PSME4: variants seen among roughly 807,000 people sequenced by gnomAD.
The protein encoded by PSME4 is proteasome activator complex subunit 4.
PSME4 carries 89 observed loss-of-function variants against 253.9 expected under a neutral mutation model. The observed-to-expected ratio is 0.35, with a 90% CI of 0.30 to 0.42. The LOEUF (loss-of-function observed/expected upper bound fraction) is 0.42, where lower values mean the gene tolerates loss of function less well. Ranked by LOEUF, PSME4 falls within the 10% of genes least tolerant of loss-of-function variation. PSME4 has a pLI of 1.00. For synonymous variants in PSME4, 851 were observed against 759.2 expected (o/e 1.12, Z -1.99); for missense variants, 2,014 against 2,195.2 (o/e 0.92, Z 1.65).
At chr2:53,933,005 C>A in intron 8 of PSME4, 1 of 431,284 alleles carries the variant, frequency 2.3e-6, no homozygotes, top group East Asian at 3.6e-5. Flanking sequence ...TAAAAAAATA[C>A]CTGTCAACTT....
chr2:53,900,879 AGTT>A (rs1680366584), intron 28 of PSME4, among the ~76,000 whole-genome samples: 1 of 152,146 alleles, frequency 6.6e-6, no homozygotes, highest in Non-Finnish European at 1.5e-5. Context: ...CAGATTTGCA[AGTT>A]CCTAGAAAAT....
In PSME4 at chr2:53,875,675, C is replaced by T; in HGVS notation, c.4896G>A (p.Gly1632=). Residue 1632 remains glycine, a synonymous_variant, in exon 42 of 47, where the codon GGG becomes GGA. Transcript: ENST00000404125. ...AAGGCACTTGATGAGGGTAAAGCAACCCCTGAGACATTAATGATAAACATA... is the reference window on the plus strand; with the variant it reads ...AAGGCACTTGATGAGGGTAAAGCAATCCCTGAGACATTAATGATAAACATA... ...AKLCLSLMSQ[G]LLYPHQVPLV... is the part of the protein sequence containing the mutation. 1.2e-6 allele frequency: 2 copies of T among 1,612,984 alleles called. No homozygotes were observed. Among genetic ancestry groups the T allele is most frequent in the South Asian group, 2.2e-5 (2 of 90,992 alleles).
At chr2:53,940,917 A>AATATATATAATACATATTTAAAT (rs1558413333) in intron 3 of PSME4, among the ~76,000 whole-genome samples, 1,814 of 68,546 alleles carry the variant, frequency 0.026, 143 homozygotes, top group Non-Finnish European at 0.038. Context: ...TACATATTTA[A>AATATATATAATACATATTTAAAT]ATATATATAT....
At chr2:53,936,923 G>T in intron 5 of PSME4, 96 bp from the exon 6 acceptor site, 2 of 792,790 alleles carry the variant, frequency 2.5e-6, no homozygotes, top group Non-Finnish European at 4.0e-6. Context: ...TATTCTTACT[G>T]ATAACTACGT....
intron 1 of PSME4, among the ~76,000 whole-genome samples, chr2:53,963,371 TC>T (rs1158671327): frequency 6.6e-6 from 1 of 151,768 alleles, no homozygotes; most frequent in Non-Finnish European, 1.5e-5. Context: ...CACTGAAACT[TC>T]CAGAGGGCAG....
At chr2:53,876,713 A>ATTTTTTT (rs1224675454) in intron 41 of PSME4, among the ~76,000 whole-genome samples, 46 of 77,134 alleles carry the variant, frequency 6.0e-4, no homozygotes, top group East Asian at 1.6e-3. Context: ...AGCCACTGTC[A>ATTTTTTT]TTCTTTTTTT....
At chr2:53,909,316 A>G (rs1347765402) in intron 21 of PSME4, among the ~76,000 whole-genome samples, 1 of 152,188 alleles carries the variant, frequency 6.6e-6, no homozygotes, top group East Asian at 1.9e-4. Context: ...CTAAATTTCT[A>G]TTAGATTTAG....
In PSME4 at chr2:53,882,918, T is replaced by A. The variant is rs1239336793; in HGVS notation, c.4815+2772A>T. 1.3e-3 allele frequency among the ~76,000 whole-genome samples: 191 copies of A among 147,884 alleles called. 1 individual carries two copies. The highest frequency in any genetic ancestry group is 2.5e-3 in the Non-Finnish European group (165 of 66,682). ...GGAAATACAAAAAAAAATAAATAAA[T>A]AAGATAAATATAAATAAAACTATGA... On this transcript the variant is annotated intron_variant, in intron 41 of 46. Transcript: ENST00000404125.
Position 53,906,644 on chromosome 2 carries a change from T to C in PSME4, c.2897A>G (p.Asp966Gly), listed in dbSNP as rs751003465. The C allele has an allele frequency of 8.1e-6, 13 of 1,603,788 alleles. No homozygotes were observed. In the Admixed American group the frequency reaches 8.7e-5, roughly 11 times the overall value. The part of the protein sequence containing the change: ...EGCEYKKIHQ[D>G]MIRDLLRLST... ...TAAACGAAGAAGATCTCTGATCATATCTTGATGTATCTTTTTGTATTCACA... is the reference window on the plus strand; with the variant it reads ...TAAACGAAGAAGATCTCTGATCATACCTTGATGTATCTTTTTGTATTCACA... The change falls in exon 26 of 47, where the codon GAT (aspartate) becomes GGT (glycine). Residue 966 changes from aspartate (D) to glycine (G), a missense_variant. Physicochemically the swap from Asp to Gly is moderately conservative, Grantham distance 94. This residue lies in a region of PSME4 where 989 missense variants were observed against 1,021.1 expected (regional missense o/e 0.97). Transcript: ENST00000404125.
At chr2:53,878,839 C>T (rs373801070) in intron 41 of PSME4, among the ~76,000 whole-genome samples, 1 of 152,150 alleles carries the variant, frequency 6.6e-6, no homozygotes, top group African/African-American at 2.4e-5. Context: ...TTAATTTTGC[C>T]CAGGTCCTAT....
chr2:53,955,014 TA>T (rs551712780), intron 1 of PSME4, among the ~76,000 whole-genome samples: 1 of 151,052 alleles, frequency 6.6e-6, no homozygotes, highest in African/African-American at 2.4e-5. Flanking sequence ...CCCGTCTCTA[TA>T]AAAAAAATCG....
rs1263344013 is a variant in PSME4 at position 53,876,894 on chromosome 2, T to C, written c.4816-1139A>G. ...CACCGTGTCCAGCTATTTTTTTTTT[T>C]AAATGTATGGTAGAGACAGAATCTC... On this transcript the variant is annotated intron_variant, in intron 41 of 46. Transcript: ENST00000404125. 8.6e-5 allele frequency among the ~76,000 whole-genome samples: 13 copies of C among 151,396 alleles called. 1 individual carries two copies. In the East Asian group the frequency reaches 2.5e-3, roughly 30 times the overall value.
intron 4 of PSME4, 94 bp downstream of exon 4, chr2:53,939,862 A>G: frequency 8.8e-7 from 1 of 1,141,730 alleles, no homozygotes; most frequent in South Asian, 1.5e-5. Context: ...GTCAGGAACT[A>G]TTTATACTTT....
intron 44 of PSME4, 122 bp from the exon 45 acceptor site, chr2:53,867,002 G>GA: frequency 3.3e-6 from 3 of 913,030 alleles, no homozygotes; most frequent in Non-Finnish European, 4.9e-6. Context: ...CATTTAAAAT[G>GA]AATCTACATG....
intron 6 of PSME4, 114 bp from the exon 7 acceptor site, chr2:53,936,275 A>T: frequency 7.0e-7 from 1 of 1,422,650 alleles, no homozygotes; most frequent in Admixed American, 2.5e-5. Flanking sequence ...AATCTACTTA[A>T]ATAGATAGTT....
At position 53,890,178 on chromosome 2, in the gene PSME4, G is replaced by C; in HGVS notation, c.4222C>G (p.Leu1408Val). 6.2e-7 allele frequency: 1 copy of C among 1,613,846 alleles called. No individual in the cohort carries two copies. The highest frequency in any genetic ancestry group is 1.1e-5 in the South Asian group (1 of 91,032). ...VEKLWELLCP[L>V]LRTALSNITV... ...ATATTGGACAGTGCTGTTCTAAGCA[G>C]AGGGCACAGAAGCTCCCAAAGCTTC... The change falls in exon 37 of 47, where the codon CTG becomes GTG. Residue 1408 changes from leucine to valine, a missense_variant. By Grantham distance (32) the Leu-to-Val change is conservative. Coordinates refer to ENST00000404125, the MANE Select transcript of PSME4 (RefSeq NM_014614.3).
intron 43 of PSME4, among the ~76,000 whole-genome samples, chr2:53,873,168 G>A (rs1042574762): frequency 6.7e-6 from 1 of 150,004 alleles, no homozygotes; most frequent in East Asian, 2.0e-4. Context: ...GTGAACCCAG[G>A]AGGCGGAGCT....
At position 53,888,758 on chromosome 2, in the gene PSME4, G is replaced by T; in HGVS notation, c.4351C>A (p.Pro1451Thr). ...AAGGATCCTCCTTCACCACTCAATGGTGATTCCAACAGCAGTTCAAAAAGC... is the reference window on the plus strand; with the variant it reads ...AAGGATCCTCCTTCACCACTCAATGTTGATTCCAACAGCAGTTCAAAAAGC... ...HWLFELLLES[P>T]LSGEGGSFVD... Residue 1451 changes from proline to threonine, a missense_variant, in exon 38 of 47, where the codon CCA becomes ACA. Pro to Thr is a conservative substitution (Grantham distance 38). This residue lies in a region of PSME4 where 403 missense variants were observed against 556.1 expected (regional missense o/e 0.72). Coordinates refer to ENST00000404125, the MANE Select transcript of PSME4 (RefSeq NM_014614.3). 6.2e-7 allele frequency: 1 copy of T among 1,612,776 alleles called. No homozygotes were observed. Among genetic ancestry groups the T allele is most frequent in the South Asian group, 1.1e-5 (1 of 90,884 alleles).
chr2:53,940,458 A>T (rs1394806944), intron 3 of PSME4, among the ~76,000 whole-genome samples: 2 of 152,156 alleles, frequency 1.3e-5, no homozygotes, highest in Non-Finnish European at 2.9e-5. Flanking sequence ...CCTCCCAGGC[A>T]CTTTAAGGCC....
Sources: allele counts gnomAD v4.1 joint callset (sites outside exome capture counted in the v4.1 genomes callset), GRCh38; gene constraint gnomAD v4.1.1; regional missense constraint gnomAD v4.1.1; transcripts MANE v1.5; gene names NCBI Gene and HGNC (gene_info 2026-07-23, HGNC 2026-07-21).